ARMC8: variants seen among roughly 807,000 people sequenced by gnomAD.
ARMC8 encodes the protein armadillo repeat containing 8, also known as armadillo repeat-containing protein 8.
ARMC8 carries 20 observed loss-of-function variants against 99.3 expected under a neutral mutation model. The observed-to-expected ratio is 0.20, with a 90% CI of 0.14 to 0.29. ARMC8 has a LOEUF of 0.29. Ranked by LOEUF, ARMC8 falls within the 10% of genes least tolerant of loss-of-function variation. The pLI, the probability that ARMC8 is intolerant of heterozygous loss-of-function variation, is 1.00. For synonymous variants in ARMC8, 263 were observed against 278.3 expected, an observed-to-expected ratio of 0.95 and a Z score of 0.55; for missense variants, 569 against 809.5, an observed-to-expected ratio of 0.70 and a Z score of 3.60.
At position 138,210,169 on chromosome 3, in the gene ARMC8, A is replaced by G. The variant is rs533338103; in HGVS notation, c.122+276A>G. 4.5e-4 allele frequency among the ~76,000 whole-genome samples: 69 copies of G among 152,322 alleles called. 1 individual carries two copies. Among genetic ancestry groups the G allele is most frequent in the Non-Finnish European group, 5.4e-4 (37 of 68,022 alleles). On this transcript the variant is annotated intron_variant, in intron 2 of 21. Coordinates refer to ENST00000469044, the MANE Select transcript of ARMC8 (RefSeq NM_001363941.2). Reference sequence around the variant, plus strand: ...TTTGGAGAATGCTTTTGCTTCTTTAATATCCACAAAAGCAGGAGAATAAGA... The same window carrying G: ...TTTGGAGAATGCTTTTGCTTCTTTAGTATCCACAAAAGCAGGAGAATAAGA...
chr3:138,245,498 C>G (rs2046840725), intron 12 of ARMC8: 10 of 1,238,882 alleles, frequency 8.1e-6, no homozygotes, highest in Non-Finnish European at 1.0e-5. Context: ...CACTGTGAAG[C>G]TTCAGACACC....
intron 12 of ARMC8, among the ~76,000 whole-genome samples, chr3:138,253,962 T>C (rs747072981): frequency 2.6e-5 from 4 of 152,218 alleles, no homozygotes; most frequent in Non-Finnish European, 4.4e-5. Context: ...CCCTCTCTTA[T>C]AAAGAAGTTT....
At chr3:138,262,707 A>G (rs937181537) in intron 12 of ARMC8, 7 of 1,024,962 alleles carry the variant, frequency 6.8e-6, no homozygotes, top group African/African-American at 1.6e-5. Context: ...TCCCCAGGTA[A>G]TTCTTCTGCA....
At chr3:138,197,900 A>C (rs1450620502) in intron 1 of ARMC8, among the ~76,000 whole-genome samples, 1 of 152,240 alleles carries the variant, frequency 6.6e-6, no homozygotes, top group Non-Finnish European at 1.5e-5. Flanking sequence ...TTTATACCAT[A>C]TTTTAAAAGG....
At chr3:138,262,305 T>C in intron 12 of ARMC8, 1 of 476,576 alleles carries the variant, frequency 2.1e-6, no homozygotes, top group African/African-American at 2.0e-5. Flanking sequence ...TGGAATTAGG[T>C]TTGGTCTAGG....
chr3:138,262,930 A>G (rs963144573), intron 12 of ARMC8, among the ~76,000 whole-genome samples: 2 of 152,214 alleles, frequency 1.3e-5, no homozygotes, highest in African/African-American at 4.8e-5. Context: ...AAAGCTCTGT[A>G]TTATCCAGAA....
intron 7 of ARMC8, among the ~76,000 whole-genome samples, chr3:138,235,765 CCTCTTGCAGTGA>C (rs2046297752): frequency 6.7e-6 from 1 of 149,890 alleles, no homozygotes; most frequent in Admixed American, 6.6e-5. Flanking sequence ...TGTCTTCTGT[CCTCTTGCAGTGA>C]CTCCATTCTG....
At chr3:138,210,694 T>G (rs148089208) in intron 2 of ARMC8, among the ~76,000 whole-genome samples, 146 of 152,278 alleles carry the variant, frequency 9.6e-4, no homozygotes, top group African/African-American at 3.3e-3. Context: ...TCTTTCTTTT[T>G]CTCTAATCCC....
chr3:138,205,847 A>T (rs1299242456), intron 1 of ARMC8, among the ~76,000 whole-genome samples: 2 of 152,162 alleles, frequency 1.3e-5, no homozygotes, highest in Non-Finnish European at 2.9e-5. Flanking sequence ...AAACCCTCTA[A>T]TGGCTTCCCA....
intron 6 of ARMC8, among the ~76,000 whole-genome samples, chr3:138,231,424 C>T (rs1292343667): frequency 1.3e-5 from 2 of 151,964 alleles, no homozygotes; most frequent in African/African-American, 4.8e-5. Context: ...AATTTACATA[C>T]TTTGGGGGAG....
intron 1 of ARMC8, 73 bp from the exon 2 acceptor site, chr3:138,209,744 A>T: frequency 8.1e-7 from 1 of 1,231,842 alleles, no homozygotes; most frequent in South Asian, 1.2e-5. Context: ...TAGTCACTTG[A>T]TATTGTGGGT....
intron 11 of ARMC8, among the ~76,000 whole-genome samples, chr3:138,243,032 T>C (rs2046700519): frequency 2.0e-5 from 3 of 152,158 alleles, no homozygotes; most frequent in Admixed American, 2.0e-4. Flanking sequence ...TTCCTTCTGG[T>C]CATTTTTTCA....
rs753911487 is a variant in ARMC8 at position 138,187,580 on chromosome 3, T to C, written c.26T>C (p.Ile9Thr). The C allele has an allele frequency of 2.5e-5, 38 of 1,535,764 alleles. No homozygotes were observed. In the Admixed American group the frequency reaches 6.1e-4, roughly 25 times the overall value. The part of the protein sequence containing the change: MACLLETP[I>T]RMSVLSEVTA... ...ATGGCGTGCTTGTTGGAGACCCCAA[T>C]CCGCATGAGCGTCCTTTCGGTGAGT... Residue 9 changes from isoleucine to threonine, a missense_variant, in exon 1 of 22, where the codon ATC (isoleucine) becomes ACC (threonine). Physicochemically the swap from Ile to Thr is moderately conservative, Grantham distance 89. Transcript: ENST00000469044.
intron 5 of ARMC8, among the ~76,000 whole-genome samples, chr3:138,224,148 T>G (rs1470081621): frequency 2.0e-5 from 3 of 151,838 alleles, no homozygotes; most frequent in East Asian, 2.0e-4. Context: ...TTAGGAGAGA[T>G]AGGGTTTCAC....
chr3:138,241,131 A>G (rs922698913), intron 10 of ARMC8, among the ~76,000 whole-genome samples: 1 of 152,252 alleles, frequency 6.6e-6, no homozygotes, highest in Non-Finnish European at 1.5e-5. Context: ...AACCATTGCC[A>G]AGATTTTTGA....
intron 1 of ARMC8, among the ~76,000 whole-genome samples, chr3:138,203,485 T>C (rs576191641): frequency 1.3e-5 from 2 of 152,238 alleles, no homozygotes; most frequent in African/African-American, 4.8e-5. Context: ...CTCATGTGGT[T>C]GTTGGCAGGT....
chr3:138,190,428 A>C (rs922767744), intron 1 of ARMC8, among the ~76,000 whole-genome samples: 15 of 151,778 alleles, frequency 9.9e-5, no homozygotes, highest in African/African-American at 3.6e-4. Flanking sequence ...CTGGGATTAC[A>C]GGCATCCACT....
rs755737830 is a variant in ARMC8, at chr3:138,267,205, G to A, written c.1350G>A (p.Leu450=). ...DEILVVASSM[L]CNLLLEFSPS... is the part of the protein sequence containing the mutation. ...TCCTAGTGGTAGCATCTTCCATGCT[G>A]TGTAATCTTCTTCTTGAATTTTCTC... The change falls in exon 15 of 22, where the codon CTG becomes CTA. Residue 450 remains leucine (L), a synonymous_variant. Transcript: ENST00000469044. 2 of 1,581,040 alleles carry A rather than the reference G, an allele frequency of 1.3e-6. No individual in the cohort carries two copies. The highest frequency in any genetic ancestry group is 2.3e-5 in the South Asian group (2 of 85,542).
intron 21 of ARMC8, among the ~76,000 whole-genome samples, chr3:138,295,285 C>A (rs1249198187): frequency 6.6e-6 from 1 of 152,176 alleles, no homozygotes; most frequent in African/African-American, 2.4e-5. Flanking sequence ...GTTATGGTGT[C>A]ATCAGGTGTG....
Sources: gnomAD v4.1 joint callset for allele counts (sites outside exome capture counted in the v4.1 genomes callset) on GRCh38, gnomAD v4.1.1 for gene constraint, MANE v1.5 for transcripts, NCBI Gene and HGNC (gene_info 2026-07-23, HGNC 2026-07-21) for gene names.